SLC6A4: variants seen among roughly 807,000 people sequenced by gnomAD.
The protein encoded by SLC6A4 is sodium-dependent serotonin transporter.
SLC6A4 carries 22 observed loss-of-function variants against 73.4 expected under a neutral mutation model. The ratio of observed to expected loss-of-function variants is 0.30; its 90% CI spans 0.21 to 0.43. SLC6A4 has a LOEUF of 0.43. Among genes scored for constraint, SLC6A4 ranks in the 20% least tolerant of loss-of-function variants. The probability of loss-of-function intolerance (pLI) is 1.00; values close to 1 mark genes in which losing one functional copy is unlikely to be tolerated. For synonymous variants in SLC6A4, 270 were observed against 315.5 expected, an observed-to-expected ratio of 0.86 and a Z score of 1.53; for missense variants, 593 against 808.5, an observed-to-expected ratio of 0.73 and a Z score of 3.23.
intron 6 of SLC6A4, 85 bp downstream of exon 6, chr17:30,217,081 C>T (rs1906600949): frequency 3.5e-6 from 4 of 1,153,972 alleles, no homozygotes; most frequent in Admixed American, 4.3e-5. Flanking sequence ...GGAAACAGTG[C>T]TGTCTGTCCA....
At position 30,218,864 on chromosome 17, in the gene SLC6A4, G is replaced by A. The variant is rs57172732; in HGVS notation, c.411C>T (p.Leu137=). The A allele has an allele frequency of 5.4e-5, 87 of 1,613,794 alleles. 1 individual carries two copies. In the Admixed American group the frequency reaches 1.2e-3, roughly 21 times the overall value. Residue 137 remains leucine, a synonymous_variant, in exon 4 of 15, where the codon CTC becomes CTT. Coordinates refer to ENST00000650711, the MANE Select transcript of SLC6A4 (RefSeq NM_001045.6). ...FGGIPLFYME[L]ALGQYHRNGC... is the part of the protein sequence containing the mutation. ...CATTTCGGTGGTACTGTCCCAGTGC[G>A]AGCTCCATGTAAAAGAGCGGGATTC...
chr17:30,218,413 C>T (rs1166172830), intron 4 of SLC6A4, 76 bp from the exon 5 acceptor site: 3 of 1,145,058 alleles, frequency 2.6e-6, no homozygotes, highest in Non-Finnish European at 3.9e-6. Context: ...AAACGGGGCA[C>T]TGGAGAGCCC....
intron 1 of SLC6A4, among the ~76,000 whole-genome samples, chr17:30,232,530 A>T (rs1046377756): frequency 9.2e-5 from 14 of 152,196 alleles, no homozygotes; most frequent in Admixed American, 3.3e-4. Context: ...AGGTCCATCC[A>T]GTCCTGGGTG....
chr17:30,217,832 C>T (rs1277398053), intron 5 of SLC6A4, among the ~76,000 whole-genome samples: 3 of 152,176 alleles, frequency 2.0e-5, no homozygotes, highest in Non-Finnish European at 4.4e-5. Context: ...AGGAGGACCC[C>T]GGAAGAAGGG....
chr17:30,214,671 CGCCCAGGCTGGAGT>C (rs1451494526), intron 8 of SLC6A4, among the ~76,000 whole-genome samples: 1 of 139,516 alleles, frequency 7.2e-6, no homozygotes, highest in Admixed American at 7.5e-5. Flanking sequence ...CTCACTCTGT[CGCCCAGGCTGGAGT>C]GCAGTGGCAC....
intron 2 of SLC6A4, 68 bp from the exon 3 acceptor site, chr17:30,222,149 A>C: frequency 2.3e-5 from 22 of 977,614 alleles, no homozygotes; most frequent in African/African-American, 3.3e-5. Flanking sequence ...GTATTAACTC[A>C]TCATACATCT....
intron 1 of SLC6A4, among the ~76,000 whole-genome samples, chr17:30,230,379 T>C (rs536914000): frequency 6.6e-6 from 1 of 152,240 alleles, no homozygotes; most frequent in Non-Finnish European, 1.5e-5. Context: ...TTTACTGTTG[T>C]GATAAATACA....
chr17:30,232,981 G>T (rs1227794067), intron 1 of SLC6A4, among the ~76,000 whole-genome samples: 1 of 152,240 alleles, frequency 6.6e-6, no homozygotes, highest in African/African-American at 2.4e-5. Flanking sequence ...GCTCAGGGAA[G>T]ATCATTGATG....
At chr17:30,220,259 T>A (rs996248112) in intron 3 of SLC6A4, among the ~76,000 whole-genome samples, 1 of 152,168 alleles carries the variant, frequency 6.6e-6, no homozygotes, top group Non-Finnish European at 1.5e-5. Context: ...AAATCTGTTG[T>A]CAGAGTTCCC....
Position 30,212,622 on chromosome 17 carries a change from C to G in SLC6A4, c.1204+118G>C, listed in dbSNP as rs187071006. 21 of 1,231,670 alleles carry G rather than the reference C, an allele frequency of 1.7e-5. No homozygotes were observed. In the East Asian group the frequency reaches 4.1e-4, roughly 24 times the overall value. The allele number at this position is 1,231,670 out of a possible 1,614,324, so 76.3% of individuals were successfully genotyped here. ...TGGTCTTGAACTCCACCATGCCCAGCCTTCTTTGGAAAATTTCAGGAACAT... is the reference window on the plus strand; with the variant it reads ...TGGTCTTGAACTCCACCATGCCCAGGCTTCTTTGGAAAATTTCAGGAACAT... On this transcript the variant is annotated intron_variant, in intron 9 of 14. Transcript: ENST00000650711.
At chr17:30,229,152 T>C (rs1907013560) in intron 1 of SLC6A4, among the ~76,000 whole-genome samples, 1 of 152,210 alleles carries the variant, frequency 6.6e-6, no homozygotes, top group South Asian at 2.1e-4. Flanking sequence ...GTCATTTTCA[T>C]GGACTATGGA....
intron 13 of SLC6A4, among the ~76,000 whole-genome samples, chr17:30,204,710 G>A (rs1906136562): frequency 6.6e-6 from 1 of 152,196 alleles, no homozygotes; most frequent in Non-Finnish European, 1.5e-5. Context: ...TTTACCTAAA[G>A]CAGCCTTAAG....
intron 1 of SLC6A4, among the ~76,000 whole-genome samples, chr17:30,224,209 C>T (rs1307224047): frequency 1.3e-5 from 2 of 151,636 alleles, no homozygotes. Flanking sequence ...CTTCCTCCCA[C>T]TGGCCCCACA....
chr17:30,216,428 G>A (rs1906577328), intron 6 of SLC6A4, among the ~76,000 whole-genome samples: 1 of 152,120 alleles, frequency 6.6e-6, no homozygotes, highest in African/African-American at 2.4e-5. Flanking sequence ...TCGGATTCAG[G>A]TTGGCCAGGA....
chr17:30,214,887 C>G (rs1245355941), intron 8 of SLC6A4, among the ~76,000 whole-genome samples: 1 of 152,004 alleles, frequency 6.6e-6, no homozygotes, highest in Non-Finnish European at 1.5e-5. Context: ...CCCGCCTCGG[C>G]CTCCCAAAGT....
chr17:30,228,410 C>T (rs1597646104), intron 1 of SLC6A4, among the ~76,000 whole-genome samples: 1 of 152,182 alleles, frequency 6.6e-6, no homozygotes, highest in Non-Finnish European at 1.5e-5. Context: ...ACCCATTGTG[C>T]CTTTCTACTT....
At chr17:30,209,109 G>C in intron 12 of SLC6A4, 34 bp downstream of exon 12, 1 of 1,492,776 alleles carries the variant, frequency 6.7e-7, no homozygotes, top group Non-Finnish European at 9.3e-7. Context: ...TGATGGTGTA[G>C]AAGGGACCCA....
At chr17:30,219,500 A>C (rs943736748) in intron 3 of SLC6A4, among the ~76,000 whole-genome samples, 1 of 152,222 alleles carries the variant, frequency 6.6e-6, no homozygotes, top group South Asian at 2.1e-4. Context: ...TCTGTGAGTC[A>C]CCAAATCAGT....
intron 14 of SLC6A4, among the ~76,000 whole-genome samples, chr17:30,202,294 T>C (rs957967671): frequency 2.0e-5 from 3 of 152,152 alleles, no homozygotes; most frequent in East Asian, 3.8e-4. Flanking sequence ...GCAGCTAATT[T>C]TTGTAATTTT....
Sources: allele counts gnomAD v4.1 joint callset (sites outside exome capture counted in the v4.1 genomes callset), GRCh38; gene constraint gnomAD v4.1.1; transcripts MANE v1.5; gene names NCBI Gene and HGNC (gene_info 2026-07-23, HGNC 2026-07-21).